Variants in NADK observed in about 807,000 individuals in gnomAD.
NADK encodes the protein NAD kinase.
In NADK, 22 loss-of-function variants were observed where a neutral mutation model predicts 49.8. That is an observed-to-expected ratio of 0.44 (90% confidence interval 0.32 to 0.63). NADK has a LOEUF of 0.63. NADK is among the 30% of genes least tolerant of loss of function. The probability of loss-of-function intolerance (pLI) is 0.06; values close to 1 mark genes in which losing one functional copy is unlikely to be tolerated. For missense variants in NADK, 438 were observed against 609.4 expected (o/e 0.72, Z 2.96); for synonymous variants, 268 against 253.7 (o/e 1.06, Z -0.54).
chr1:1,764,093 G>A lies in NADK; in HGVS notation c.179+1135C>T, dbSNP rs187406698. On this transcript the variant is annotated intron_variant, in intron 2 of 11. Coordinates refer to ENST00000341426, the MANE Select transcript of NADK (RefSeq NM_023018.5). ...CTCGTAGCCTCCTGGCTCAGGCAGC[G>A]ACTCTGTAGACAGAAAACGTGGGAG... Among the ~76,000 whole-genome samples the A allele has an allele frequency of 2.4e-4, 37 of 152,286 alleles. 1 individual carries two copies. Among genetic ancestry groups the A allele is most frequent in the Admixed American group, 1.9e-3 (29 of 15,296 alleles).
intron 11 of NADK, 64 bp from the exon 12 acceptor site, chr1:1,753,124 C>A: frequency 1.3e-6 from 2 of 1,533,082 alleles, no homozygotes; most frequent in South Asian, 1.2e-5. Flanking sequence ...GGCCAAGAAC[C>A]CTTCCTCCCT....
At chr1:1,766,410 CAAAAAAAAAAAAAAAAAAA>C (rs70937193) in intron 1 of NADK, among the ~76,000 whole-genome samples, 43 of 27,000 alleles carry the variant, frequency 1.6e-3, no homozygotes, top group South Asian at 7.5e-3. Context: ...AACTCCGTCT[CAAAAAAAAAAAAAAAAAAA>C]AAAAAAAAAA....
Position 1,752,670 on chromosome 1 carries a change from A to C in NADK, c.*234T>G. ...CAGGGACCCACCGCGGGGTGTCAGC[A>C]GGACAGAAGCACTCCCAGCCCATTT... On this transcript the variant is annotated 3_prime_UTR_variant, in exon 12 of 12. Transcript: ENST00000341426. The C allele has an allele frequency of 2.1e-6, 1 of 480,300 alleles. No individual in the cohort carries two copies. The highest frequency in any genetic ancestry group is 4.0e-5 in the South Asian group (1 of 24,744). The allele number at this position is 480,300 out of a possible 1,614,324, so 29.8% of individuals were successfully genotyped here. A position where few individuals can be genotyped will look rare whatever the true frequency, so the allele number is the denominator to read the frequency against.
At chr1:1,776,021 A>G (rs1646200422) in intron 1 of NADK, among the ~76,000 whole-genome samples, 1 of 152,140 alleles carries the variant, frequency 6.6e-6, no homozygotes, top group South Asian at 2.1e-4. Context: ...CCTTCCTGCC[A>G]TGACACAGCC....
chr1:1,773,889 T>C (rs1196087733), intron 1 of NADK, among the ~76,000 whole-genome samples: 1 of 151,994 alleles, frequency 6.6e-6, no homozygotes, highest in East Asian at 1.9e-4. Context: ...CATGAGCCAC[T>C]ATGTCCAGCT....
intron 1 of NADK, among the ~76,000 whole-genome samples, chr1:1,770,057 T>C (rs1646001965): frequency 6.6e-6 from 1 of 151,840 alleles, no homozygotes; most frequent in African/African-American, 2.4e-5. Context: ...ACTCCAGCTA[T>C]GCAGGAGGCT....
chr1:1,752,716 CAA>C lies in NADK; in HGVS notation c.*186_*187del. On this transcript the variant is annotated 3_prime_UTR_variant, in exon 12 of 12. Transcript: ENST00000341426. ...CATTTCTCACGCTTCTTTAGAAATG[CAA>C]AAAAAGTCAGACATTTTAAAAAAAC... 3.0e-6 allele frequency: 2 copies of C among 657,806 alleles called. No homozygotes were observed. The highest frequency in any genetic ancestry group is 2.5e-5 in the South Asian group (1 of 39,564). 40.7% of individuals were successfully genotyped at this position (657,806 alleles called of 1,614,324 possible).
At chr1:1,763,962 G>A (rs902446530) in intron 2 of NADK, among the ~76,000 whole-genome samples, 1 of 152,198 alleles carries the variant, frequency 6.6e-6, no homozygotes, top group African/African-American at 2.4e-5. Flanking sequence ...CGCTGGGGTG[G>A]CCTGGAGGTA....
In NADK at chr1:1,753,068, G is replaced by T; in HGVS notation, c.1185-8C>A. The T allele has an allele frequency of 6.2e-7, 1 of 1,605,588 alleles. No homozygotes were observed. The highest frequency in any genetic ancestry group is 8.5e-7 in the Non-Finnish European group (1 of 1,175,310). On this transcript the variant is annotated splice_polypyrimidine_tract_variant and splice_region_variant and intron_variant, in intron 11 of 11. Coordinates refer to ENST00000341426, the MANE Select transcript of NADK (RefSeq NM_023018.5). The stretch of plus-strand genomic sequence containing the variant: ...GAGGTAGTGATGCTGATGCTGGGAC[G>T]GGAGAGCAGCAGCCTGAGCCAGGGC...
chr1:1,756,280 A>T lies in NADK; in HGVS notation c.563T>A (p.Leu188Gln). The T allele has an allele frequency of 6.2e-7, 1 of 1,614,196 alleles. No individual in the cohort carries two copies. The highest frequency in any genetic ancestry group is 8.5e-7 in the Non-Finnish European group (1 of 1,180,024). Residue 188 changes from leucine (L) to glutamine (Q), a missense_variant, in exon 6 of 12, where the codon CTG becomes CAG. Coordinates refer to ENST00000341426, the MANE Select transcript of NADK (RefSeq NM_023018.5). ...CACCTGGAAAAGCGAGGAAGCGTACAGCAGCGTCCCGTCTCCCCCCAGGCA... is the reference window on the plus strand; with the variant it reads ...CACCTGGAAAAGCGAGGAAGCGTACTGCAGCGTCCCGTCTCCCCCCAGGCA... ...IICLGGDGTLLYASSLFQGSV... is the reference protein window; with the variant it reads ...IICLGGDGTLQYASSLFQGSV...
In NADK at chr1:1,772,552, C is replaced by T. The variant is rs893761529; in HGVS notation, c.-41+5737G>A. Among the ~76,000 whole-genome samples, 9 of 152,058 alleles carry T rather than the reference C, an allele frequency of 5.9e-5. No homozygotes were observed. The East Asian group carries it at 7.8e-4, about 13-fold the overall frequency. ...CTTTGGGAGGCCGAGGCGGGAGGAT[C>T]GCTTGAGTCCAGGAGTTCAAGACCA... On this transcript the variant is annotated intron_variant, in intron 1 of 11. Coordinates refer to ENST00000341426, the MANE Select transcript of NADK (RefSeq NM_023018.5).
intron 1 of NADK, among the ~76,000 whole-genome samples, chr1:1,768,031 C>T (rs1277968758): frequency 1.3e-4 from 19 of 151,894 alleles, no homozygotes; most frequent in East Asian, 5.8e-4. Context: ...ATTAGCCGGG[C>T]GTGGTGGCGG....
intron 3 of NADK, among the ~76,000 whole-genome samples, chr1:1,761,478 C>T (rs547168708): frequency 3.6e-4 from 55 of 152,324 alleles, no homozygotes; most frequent in South Asian, 1.2e-3. Context: ...ATCACTGTTG[C>T]GTTTTTCCCA....
intron 6 of NADK, chr1:1,755,854 A>G (rs1254854027): frequency 4.6e-6 from 2 of 435,112 alleles, no homozygotes; most frequent in East Asian, 8.5e-5. Flanking sequence ...CGGTGTCACC[A>G]ACATGCAGTG....
At chr1:1,765,660 C>A (rs759325156) in intron 1 of NADK, among the ~76,000 whole-genome samples, 3 of 152,160 alleles carry the variant, frequency 2.0e-5, no homozygotes, top group Non-Finnish European at 2.9e-5. Flanking sequence ...GCCTGTCATC[C>A]CAGCACTTTG....
intron 3 of NADK, among the ~76,000 whole-genome samples, chr1:1,758,941 G>A (rs923177681): frequency 6.6e-6 from 1 of 152,232 alleles, no homozygotes; most frequent in Non-Finnish European, 1.5e-5. Flanking sequence ...CCACAGTCAG[G>A]TGGAAGGGCG....
intron 1 of NADK, among the ~76,000 whole-genome samples, chr1:1,774,294 G>A (rs1412326428): frequency 2.6e-5 from 4 of 151,888 alleles, no homozygotes; most frequent in Non-Finnish European, 4.4e-5. Flanking sequence ...GCAGTGGCGC[G>A]ATCTCGGCTC....
At position 1,778,059 on chromosome 1, in the gene NADK, G is replaced by C. The variant is rs1646263451; in HGVS notation, c.-41+230C>G. Among the ~76,000 whole-genome samples the C allele has an allele frequency of 6.6e-6, 1 of 152,186 alleles. No homozygotes were observed. The highest frequency in any genetic ancestry group is 2.4e-5 in the African/African-American group (1 of 41,456). ...TTCCCCGCCCGGGAGAGCCAGGCCGGACAGCGGCCTCCCTCAGACCCGTCC... is the reference window on the plus strand; with the variant it reads ...TTCCCCGCCCGGGAGAGCCAGGCCGCACAGCGGCCTCCCTCAGACCCGTCC... On this transcript the variant is annotated intron_variant, in intron 1 of 11. Coordinates refer to ENST00000341426, the MANE Select transcript of NADK (RefSeq NM_023018.5). The surrounding 1 kb of genome is among the most constrained non-coding windows in gnomAD (Gnocchi z 4.9).
At chr1:1,770,182 GA>G (rs950922286) in intron 1 of NADK, among the ~76,000 whole-genome samples, 2 of 141,536 alleles carry the variant, frequency 1.4e-5, no homozygotes, top group Admixed American at 7.0e-5. Flanking sequence ...TCAATAAAAA[GA>G]AAAAAGAAAA....
Sources: gnomAD v4.1 joint callset for allele counts (sites outside exome capture counted in the v4.1 genomes callset) on GRCh38, gnomAD v4.1.1 for gene constraint, Gnocchi (gnomAD v3.1) non-coding constraint, MANE v1.5 for transcripts, NCBI Gene and HGNC (gene_info 2026-07-23, HGNC 2026-07-21) for gene names.